The following KHDRBS3 variants were observed in gnomAD, a reference collection of about 807,000 sequenced individuals.
KHDRBS3 encodes the protein KH domain-containing, RNA-binding, signal transduction-associated protein 3.
A neutral mutation model predicts 45.6 loss-of-function variants in KHDRBS3; 23 were observed. The observed-to-expected ratio is 0.50, with a 90% CI of 0.36 to 0.72. The LOEUF is 0.72. Ranked by LOEUF, KHDRBS3 falls within the 30% of genes least tolerant of loss-of-function variation. The pLI is 0.00. For synonymous variants in KHDRBS3, 162 were observed against 156.5 expected (o/e 1.04, Z -0.26); for missense variants, 352 against 424.8 (o/e 0.83, Z 1.51).
At chr8:135,477,465 G>A (rs986776719) in intron 1 of KHDRBS3, among the ~76,000 whole-genome samples, 3 of 152,196 alleles carry the variant, frequency 2.0e-5, no homozygotes, top group Admixed American at 2.0e-4. Context: ...GTAAACAGTT[G>A]TAAAGAATAC....
intron 1 of KHDRBS3, among the ~76,000 whole-genome samples, chr8:135,508,040 G>A (rs536479400): frequency 3.3e-5 from 5 of 152,176 alleles, no homozygotes; most frequent in East Asian, 1.9e-4. Flanking sequence ...ATCATCATAC[G>A]GAAAATATGA....
At chr8:135,529,608 G>A (rs551239379) in intron 2 of KHDRBS3, among the ~76,000 whole-genome samples, 1 of 152,080 alleles carries the variant, frequency 6.6e-6, no homozygotes, top group African/African-American at 2.4e-5. Flanking sequence ...ATTGTTTGGG[G>A]GCATATTATT....
chr8:135,495,299 T>C (rs1201477879), intron 1 of KHDRBS3, among the ~76,000 whole-genome samples: 1 of 152,248 alleles, frequency 6.6e-6, no homozygotes, highest in African/African-American at 2.4e-5. Context: ...AACTCTCTGA[T>C]GAGCTCAAAA....
chr8:135,518,865 G>C (rs1313779666), intron 1 of KHDRBS3, among the ~76,000 whole-genome samples: 1 of 152,144 alleles, frequency 6.6e-6, no homozygotes, highest in African/African-American at 2.4e-5. Flanking sequence ...TGGAGTTGAA[G>C]TGATAGGAGA....
chr8:135,512,073 A>G (rs60057133), intron 1 of KHDRBS3, among the ~76,000 whole-genome samples: 5,725 of 152,186 alleles, frequency 0.038, 349 homozygotes, highest in African/African-American at 0.13. Context: ...TTGGGTAGTT[A>G]TAGTGTGTTC....
At chr8:135,561,013 G>A (rs1827141504) in intron 5 of KHDRBS3, among the ~76,000 whole-genome samples, 1 of 152,118 alleles carries the variant, frequency 6.6e-6, no homozygotes, top group Non-Finnish European at 1.5e-5. Flanking sequence ...ACAGTACAAT[G>A]TTTATATTCA....
intron 6 of KHDRBS3, among the ~76,000 whole-genome samples, chr8:135,603,604 C>T (rs1829316570): frequency 6.6e-6 from 1 of 152,150 alleles, no homozygotes; most frequent in Admixed American, 6.5e-5. Flanking sequence ...TATACATTCT[C>T]ATCAAAGTAC....
chr8:135,512,139 T>C (rs924917510), intron 1 of KHDRBS3, among the ~76,000 whole-genome samples: 3 of 152,212 alleles, frequency 2.0e-5, no homozygotes, highest in African/African-American at 7.2e-5. Flanking sequence ...TTAAATAAAA[T>C]AATTCTTTAG....
At chr8:135,554,732 T>G (rs1826788806) in intron 4 of KHDRBS3, among the ~76,000 whole-genome samples, 1 of 152,224 alleles carries the variant, frequency 6.6e-6, no homozygotes, top group Non-Finnish European at 1.5e-5. Context: ...TTGGTGTTCA[T>G]ATATTTTTAA....
intron 1 of KHDRBS3, among the ~76,000 whole-genome samples, chr8:135,461,612 C>G (rs752747586): frequency 6.6e-6 from 1 of 152,178 alleles, no homozygotes; most frequent in South Asian, 2.1e-4. Flanking sequence ...TGTGCTGACT[C>G]TTACTAAAAA....
rs574216450 is a variant in KHDRBS3, at chr8:135,653,176, C to G, written c.*118-3050C>G. 3.9e-5 allele frequency among the ~76,000 whole-genome samples: 6 copies of G among 152,204 alleles called. 1 individual carries two copies. The South Asian group carries it at 6.2e-4, about 16-fold the overall frequency. ...AGTGTGCGGGGATGGTGGTGTTATCCTGAGGCTAGATTTCTGTTCTGCTTG... is the reference window on the plus strand; with the variant it reads ...AGTGTGCGGGGATGGTGGTGTTATCGTGAGGCTAGATTTCTGTTCTGCTTG... On this transcript the variant is annotated intron_variant and NMD_transcript_variant, in intron 4 of 4. Coordinates refer to the KHDRBS3 transcript ENST00000521461.
At chr8:135,611,556 G>A (rs1334883212) in intron 7 of KHDRBS3, among the ~76,000 whole-genome samples, 2 of 151,790 alleles carry the variant, frequency 1.3e-5, no homozygotes, top group South Asian at 2.1e-4. Context: ...CCTCTCTCCC[G>A]GGCTTGCAGA....
intron 7 of KHDRBS3, among the ~76,000 whole-genome samples, chr8:135,627,691 G>A (rs528456616): frequency 2.0e-5 from 3 of 152,026 alleles, no homozygotes; most frequent in Non-Finnish European, 2.9e-5. Context: ...GTTAACATAC[G>A]TATACACCCA....
At chr8:135,468,664 C>T (rs7825922) in intron 1 of KHDRBS3, among the ~76,000 whole-genome samples, 11,676 of 152,274 alleles carry the variant, frequency 0.077, 689 homozygotes, top group African/African-American at 0.17. Context: ...GCTTACCCTT[C>T]CCTGCTCTCA....
chr8:135,484,669 C>A (rs1471495660), intron 1 of KHDRBS3, among the ~76,000 whole-genome samples: 2 of 152,176 alleles, frequency 1.3e-5, no homozygotes, highest in African/African-American at 2.4e-5. Flanking sequence ...TGTGACTCCC[C>A]TTTCATGAAT....
chr8:135,550,976 T>C (rs980319630), intron 4 of KHDRBS3, among the ~76,000 whole-genome samples: 4 of 152,214 alleles, frequency 2.6e-5, no homozygotes, highest in Admixed American at 2.0e-4. Flanking sequence ...AAATATTGTA[T>C]ACTTTTTGAT....
intron 1 of KHDRBS3, among the ~76,000 whole-genome samples, chr8:135,468,009 CCTT>C (rs1821786428): frequency 6.6e-6 from 1 of 152,084 alleles, no homozygotes; most frequent in African/African-American, 2.4e-5. Flanking sequence ...CTTTTCTGCT[CCTT>C]CTTTCTCCCT....
chr8:135,543,693 T>A (rs1000884113), intron 3 of KHDRBS3, among the ~76,000 whole-genome samples: 1 of 152,248 alleles, frequency 6.6e-6, no homozygotes, highest in African/African-American at 2.4e-5. Context: ...TAATATTTTC[T>A]TCATTTTACA....
chr8:135,470,225 G>A (rs536738947), intron 1 of KHDRBS3, among the ~76,000 whole-genome samples: 8 of 152,238 alleles, frequency 5.3e-5, no homozygotes, highest in African/African-American at 1.7e-4. Context: ...AAAGGAAACC[G>A]AGCAGGCTTC....
Sources: gnomAD v4.1 joint callset for allele counts (sites outside exome capture counted in the v4.1 genomes callset) on GRCh38, gnomAD v4.1.1 for gene constraint, MANE v1.5 for transcripts, NCBI Gene and HGNC (gene_info 2026-07-23, HGNC 2026-07-21) for gene names.